Variants in BABAM2 observed in about 807,000 individuals in gnomAD.
BABAM2 encodes the protein BRISC and BRCA1-A complex member 2.
BABAM2 carries 31 observed loss-of-function variants against 54.7 expected under a neutral mutation model. That is an observed-to-expected ratio of 0.57 (90% CI 0.43 to 0.77). The LOEUF is 0.77. BABAM2 is among the 30% of genes least tolerant of loss of function. BABAM2 has a pLI of 0.00. For missense variants in BABAM2, 364 were observed against 455.8 expected (o/e 0.80, Z 1.83); for synonymous variants, 167 against 162.9 (o/e 1.03, Z -0.19).
intron 7 of BABAM2, among the ~76,000 whole-genome samples, chr2:28,227,471 G>T (rs534100213): frequency 1.3e-5 from 2 of 152,246 alleles, no homozygotes; most frequent in South Asian, 4.2e-4. Context: ...CCTCAGTTTT[G>T]ATTTGACTGC....
intron 7 of BABAM2, among the ~76,000 whole-genome samples, chr2:28,192,283 C>T (rs189461487): frequency 9.3e-4 from 142 of 152,200 alleles, no homozygotes; most frequent in Non-Finnish European, 1.7e-3. Context: ...ATCTGCCTGC[C>T]TCGGCCTCCC....
At chr2:28,259,150 C>T (rs1347352838) in intron 10 of BABAM2, among the ~76,000 whole-genome samples, 1 of 113,216 alleles carries the variant, frequency 8.8e-6, no homozygotes, top group East Asian at 3.2e-4. Context: ...TGTAGTGGTG[C>T]GATCTGGGCT....
At chr2:28,327,361 G>C in intron 11 of BABAM2, 1 of 1,613,902 alleles carries the variant, frequency 6.2e-7, no homozygotes, top group Admixed American at 1.7e-5. Context: ...AGCTGCTCCA[G>C]CCCCAGAGGA....
rs1286120518 is a variant in BABAM2 at position 28,183,739 on chromosome 2, T to TCACACACACACACACACACA, written c.681-53447_681-53428dup. 4.2e-3 allele frequency among the ~76,000 whole-genome samples: 563 copies of TCACACACACACACACACACA among 133,182 alleles called. 8 individuals carry two copies. Among genetic ancestry groups the TCACACACACACACACACACA allele is most frequent in the African/African-American group, 9.2e-3 (342 of 37,114 alleles). The allele number at this position is 133,182 out of a possible 152,430, so 87.4% of individuals were successfully genotyped here. A position where few individuals can be genotyped will look rare whatever the true frequency, so the allele number is the denominator to read the frequency against. The stretch of plus-strand genomic sequence containing the variant: ...ATTTTATGTTACTTTTGGATGAAGA[T>TCACACACACACACACACACA]CACACACACACACACACACACACAC... On this transcript the variant is annotated intron_variant, in intron 7 of 11. Transcript: ENST00000379624.
chr2:27,948,472 T>C (rs1349473940), intron 3 of BABAM2, among the ~76,000 whole-genome samples: 1 of 152,198 alleles, frequency 6.6e-6, no homozygotes, highest in Non-Finnish European at 1.5e-5. Flanking sequence ...AATATTTTGT[T>C]GGTAGAAAAG....
At chr2:28,207,838 G>C (rs1324518683) in intron 7 of BABAM2, among the ~76,000 whole-genome samples, 1 of 152,104 alleles carries the variant, frequency 6.6e-6, no homozygotes, top group East Asian at 1.9e-4. Flanking sequence ...GGTATGTCTA[G>C]TTCACTGTTA....
intron 11 of BABAM2, among the ~76,000 whole-genome samples, chr2:28,302,868 C>T (rs188352777): frequency 5.9e-5 from 9 of 152,252 alleles, no homozygotes; most frequent in Admixed American, 2.6e-4. Context: ...TGGTTTATCT[C>T]TTTCATGAAA....
chr2:28,128,557 A>T (rs566344697), intron 6 of BABAM2, among the ~76,000 whole-genome samples: 4 of 152,324 alleles, frequency 2.6e-5, no homozygotes, highest in African/African-American at 9.6e-5. Flanking sequence ...AGTTCCTGCT[A>T]TTCTTGCTTT....
At chr2:28,016,527 C>T (rs56056592) in intron 4 of BABAM2, 29,658 of 777,318 alleles carry the variant, frequency 0.038, 1,026 homozygotes, top group South Asian at 0.11. Context: ...GAAACTGGGC[C>T]GGAGAGATGG....
chr2:28,139,302 CA>C, intron 7 of BABAM2, among the ~76,000 whole-genome samples: 1 of 75,998 alleles, frequency 1.3e-5, no homozygotes. Context: ...GCCTGGGCGA[CA>C]AGAGTGAAAC....
intron 10 of BABAM2, among the ~76,000 whole-genome samples, chr2:28,264,587 C>T (rs1425670416): frequency 3.3e-5 from 5 of 152,132 alleles, no homozygotes; most frequent in South Asian, 2.1e-4. Flanking sequence ...GGGCCAAAAC[C>T]GTCAGTTCAT....
intron 8 of BABAM2, among the ~76,000 whole-genome samples, chr2:28,239,843 T>C (rs1682250153): frequency 1.3e-5 from 2 of 152,236 alleles, no homozygotes; most frequent in Non-Finnish European, 2.9e-5. Flanking sequence ...GGTTTTCCGC[T>C]GCTTCAGAGG....
At position 28,016,554 on chromosome 2, in the gene BABAM2, G is replaced by A. The variant is rs191498686; in HGVS notation, c.301-8672G>A. Reference sequence around the variant, plus strand: ...GAGAGATGGCCGAAGCGGGCCCGCCGCAGGTGCATTTCTTTCTAATTAACT... The same window carrying A: ...GAGAGATGGCCGAAGCGGGCCCGCCACAGGTGCATTTCTTTCTAATTAACT... On this transcript the variant is annotated intron_variant, in intron 4 of 11. Coordinates refer to ENST00000379624, the MANE Select transcript of BABAM2 (RefSeq NM_199191.3). 2.5e-3 allele frequency: 1,516 copies of A among 616,256 alleles called. 3 individuals carry two copies. The highest frequency in any genetic ancestry group is 3.7e-3 in the Non-Finnish European group (1,261 of 338,286). The allele number at this position is 616,256 out of a possible 1,614,324, so 38.2% of individuals were successfully genotyped here. A position where few individuals can be genotyped will look rare whatever the true frequency, so the allele number is the denominator to read the frequency against.
At chr2:28,181,842 G>A (rs76564436) in intron 7 of BABAM2, among the ~76,000 whole-genome samples, 1 of 152,006 alleles carries the variant, frequency 6.6e-6, no homozygotes, top group East Asian at 1.9e-4. Context: ...GTAGGGGTTG[G>A]GGTGGGAGTG....
In BABAM2 at chr2:28,328,791, G is replaced by C. The variant is rs570296369; in HGVS notation, c.1089-9659G>C. Among the ~76,000 whole-genome samples, 8 of 152,246 alleles carry C rather than the reference G, an allele frequency of 5.3e-5. No homozygotes were observed. The South Asian group carries it at 1.5e-3, about 28-fold the overall frequency. On this transcript the variant is annotated intron_variant, in intron 11 of 11. Coordinates refer to ENST00000379624, the MANE Select transcript of BABAM2 (RefSeq NM_199191.3). Reference sequence around the variant, plus strand: ...CTGCAAAATGGGGAGCATGACCCCTGCCACACCCAGTAGTGTTGTGAGCAC... The same window carrying C: ...CTGCAAAATGGGGAGCATGACCCCTCCCACACCCAGTAGTGTTGTGAGCAC...
chr2:28,254,972 A>G (rs1393771588), intron 10 of BABAM2, among the ~76,000 whole-genome samples: 1 of 151,888 alleles, frequency 6.6e-6, no homozygotes, highest in African/African-American at 2.4e-5. Flanking sequence ...TCTGGCCTCT[A>G]GTGAACCTCC....
At chr2:28,004,163 A>G (rs1673784793) in intron 4 of BABAM2, among the ~76,000 whole-genome samples, 1 of 151,984 alleles carries the variant, frequency 6.6e-6, no homozygotes, top group Non-Finnish European at 1.5e-5. Context: ...CCATTAAAAA[A>G]CATTTTTCAG....
chr2:28,123,459 A>C (rs151093672), intron 6 of BABAM2, among the ~76,000 whole-genome samples: 1 of 142,782 alleles, frequency 7.0e-6, no homozygotes, highest in African/African-American at 2.5e-5. Flanking sequence ...CAGAGCCCTG[A>C]AAATGTATAC....
At chr2:27,975,821 C>T (rs940252581) in intron 3 of BABAM2, among the ~76,000 whole-genome samples, 5 of 151,848 alleles carry the variant, frequency 3.3e-5, no homozygotes, top group African/African-American at 7.3e-5. Context: ...GAACAAATTT[C>T]AAGAATATGT....
Sources: allele counts gnomAD v4.1 joint callset (sites outside exome capture counted in the v4.1 genomes callset), GRCh38; gene constraint gnomAD v4.1.1; transcripts MANE v1.5; gene names NCBI Gene and HGNC (gene_info 2026-07-23, HGNC 2026-07-21).